HSD17B2: variants seen among roughly 807,000 people sequenced by gnomAD.
HSD17B2 encodes the protein 17-beta-hydroxysteroid dehydrogenase type 2.
In HSD17B2, 32 loss-of-function variants were observed where a neutral mutation model predicts 26.9. That is an observed-to-expected ratio of 1.19 (90% confidence interval 0.90 to 1.60). The LOEUF (loss-of-function observed/expected upper bound fraction) is 1.60, where lower values mean the gene tolerates loss of function less well. HSD17B2 is among the 40% of genes most tolerant of loss of function. The probability of loss-of-function intolerance (pLI) is 0.00; values close to 1 mark genes in which losing one functional copy is unlikely to be tolerated. For missense variants in HSD17B2, 613 were observed against 468.6 expected, an observed-to-expected ratio of 1.31 and a Z score of -2.85; for synonymous variants, 246 against 186.7, an observed-to-expected ratio of 1.32 and a Z score of -2.59.
chr16:82,087,242 G>A (rs1234779106), intron 3 of HSD17B2, among the ~76,000 whole-genome samples: 1 of 152,136 alleles, frequency 6.6e-6, no homozygotes, highest in Non-Finnish European at 1.5e-5. Flanking sequence ...TAACAAAGCT[G>A]TATAGCACAC....
intron 1 of HSD17B2, among the ~76,000 whole-genome samples, chr16:82,051,825 T>A (rs11860188): frequency 0.45 from 68,719 of 152,132 alleles, 18,838 homozygotes; most frequent in Non-Finnish European, 0.6. Flanking sequence ...CTGGGTCAGA[T>A]AATTAACATC....
At chr16:82,042,811 G>A (rs1456371519) in intron 1 of HSD17B2, among the ~76,000 whole-genome samples, 2 of 151,894 alleles carry the variant, frequency 1.3e-5, no homozygotes, top group Non-Finnish European at 2.9e-5. Context: ...AGTAGAGATG[G>A]GCTTTCACCA....
At chr16:82,084,543 T>C (rs574075043) in intron 3 of HSD17B2, among the ~76,000 whole-genome samples, 1 of 146,970 alleles carries the variant, frequency 6.8e-6, no homozygotes, top group African/African-American at 2.4e-5. Flanking sequence ...CATCAAACTG[T>C]TCTTTTTATT....
At chr16:82,065,432 C>A (rs1433476117) in intron 1 of HSD17B2, among the ~76,000 whole-genome samples, 4 of 152,140 alleles carry the variant, frequency 2.6e-5, no homozygotes, top group Non-Finnish European at 5.9e-5. Context: ...ACATGCTGGG[C>A]ATCCTGATAT....
chr16:82,080,812 A>G (rs745990524), intron 3 of HSD17B2, among the ~76,000 whole-genome samples: 22 of 152,220 alleles, frequency 1.4e-4, no homozygotes, highest in Non-Finnish European at 2.9e-4. Context: ...ACCATGTTGA[A>G]GGAACGCTTA....
chr16:82,068,435 C>G, intron 2 of HSD17B2, 53 bp downstream of exon 2: 1 of 1,452,658 alleles, frequency 6.9e-7, no homozygotes, highest in Non-Finnish European at 9.4e-7. Context: ...ATGCCCAGCT[C>G]TTGTTCCGGC....
Position 82,042,280 on chromosome 16 carries a change from C to T in HSD17B2, c.265+6591C>T, listed in dbSNP as rs113605142. 4.9e-3 allele frequency among the ~76,000 whole-genome samples: 743 copies of T among 152,196 alleles called. 8 individuals are homozygous for T. Among genetic ancestry groups the T allele is most frequent in the African/African-American group, 0.017 (705 of 41,520 alleles). On this transcript the variant is annotated intron_variant, in intron 1 of 4. Transcript: ENST00000199936. ...TCAGCCTCCCAAAGCGCTGGGATTACAGGCATGAGTCACCACGCCCAGCCT... is the reference window on the plus strand; with the variant it reads ...TCAGCCTCCCAAAGCGCTGGGATTATAGGCATGAGTCACCACGCCCAGCCT...
At chr16:82,068,135 T>G in intron 1 of HSD17B2, 35 bp from the exon 2 acceptor site, 1 of 1,569,952 alleles carries the variant, frequency 6.4e-7, no homozygotes, top group Non-Finnish European at 8.8e-7. Context: ...TCACTCTGGT[T>G]TGACCTCACT....
chr16:82,037,191 T>C lies in HSD17B2; in HGVS notation c.265+1502T>C, dbSNP rs922757327. Reference sequence around the variant, plus strand: ...TCCCTGCATGAAATGCTTATGGCAATGAAGAAAGCTTAGAATTAAGATGAG... The same window carrying C: ...TCCCTGCATGAAATGCTTATGGCAACGAAGAAAGCTTAGAATTAAGATGAG... On this transcript the variant is annotated intron_variant, in intron 1 of 4. Coordinates refer to ENST00000199936, the MANE Select transcript of HSD17B2 (RefSeq NM_002153.3). Among the ~76,000 whole-genome samples, 13 of 152,300 alleles carry C rather than the reference T, an allele frequency of 8.5e-5. No homozygotes were observed. In the South Asian group the frequency reaches 2.7e-3, roughly 32 times the overall value.
chr16:82,045,262 G>A (rs1300535399), intron 1 of HSD17B2, among the ~76,000 whole-genome samples: 1 of 152,116 alleles, frequency 6.6e-6, no homozygotes, highest in Non-Finnish European at 1.5e-5. Context: ...AATGGGGTCA[G>A]CACTGGGCTG....
chr16:82,058,113 C>G (rs1420084589), intron 1 of HSD17B2, among the ~76,000 whole-genome samples: 3 of 150,482 alleles, frequency 2.0e-5, no homozygotes, highest in Admixed American at 2.0e-4. Flanking sequence ...GCTCTGTCGC[C>G]TAGGCTGGAG....
intron 4 of HSD17B2, chr16:82,096,366 G>C (rs1904838608): frequency 2.0e-5 from 3 of 152,024 alleles, no homozygotes; most frequent in African/African-American, 7.2e-5. Flanking sequence ...GGGATTCCAG[G>C]CACCCACCAC....
intron 1 of HSD17B2, among the ~76,000 whole-genome samples, chr16:82,046,690 A>C (rs1913940341): frequency 6.6e-6 from 1 of 152,124 alleles, no homozygotes; most frequent in African/African-American, 2.4e-5. Flanking sequence ...GAAAAAAAAA[A>C]ATCATGAAAA....
At chr16:82,043,866 A>G (rs1029159848) in intron 1 of HSD17B2, among the ~76,000 whole-genome samples, 15 of 152,240 alleles carry the variant, frequency 9.9e-5, no homozygotes, top group East Asian at 3.9e-4. Flanking sequence ...TTTTTATACA[A>G]TGCTAATGGT....
chr16:82,062,131 C>T (rs1006255045), intron 1 of HSD17B2, among the ~76,000 whole-genome samples: 2 of 152,148 alleles, frequency 1.3e-5, no homozygotes, highest in African/African-American at 4.8e-5. Flanking sequence ...TTCCTAATAC[C>T]CTCAAATTCA....
chr16:82,048,107 C>T (rs1597121524), intron 1 of HSD17B2, among the ~76,000 whole-genome samples: 1 of 152,102 alleles, frequency 6.6e-6, no homozygotes. Flanking sequence ...AGAAACAGCC[C>T]AAGATGGAAG....
At chr16:82,067,077 T>G (rs1567585993) in intron 1 of HSD17B2, among the ~76,000 whole-genome samples, 1 of 152,210 alleles carries the variant, frequency 6.6e-6, no homozygotes, top group Non-Finnish European at 1.5e-5. Context: ...GCCCTCTCTT[T>G]GCAGACAGTA....
At chr16:82,038,394 G>A (rs1395132394) in intron 1 of HSD17B2, among the ~76,000 whole-genome samples, 1 of 152,044 alleles carries the variant, frequency 6.6e-6, no homozygotes, top group African/African-American at 2.4e-5. Context: ...CTGTTGCCCA[G>A]GCTGGAGTGC....
chr16:82,075,632 A>T (rs562826737), intron 3 of HSD17B2, among the ~76,000 whole-genome samples: 239 of 152,248 alleles, frequency 1.6e-3, no homozygotes, highest in African/African-American at 5.6e-3. Context: ...GAGATGGATA[A>T]ATTCTTACAG....
Sources: gnomAD v4.1 joint callset for allele counts (sites outside exome capture counted in the v4.1 genomes callset) on GRCh38, gnomAD v4.1.1 for gene constraint, MANE v1.5 for transcripts, NCBI Gene and HGNC (gene_info 2026-07-23, HGNC 2026-07-21) for gene names.